Variants in NFATC4 observed in about 807,000 individuals in gnomAD.
NFATC4 encodes nuclear factor of activated T cells 4.
In NFATC4, 25 loss-of-function variants were observed where a neutral mutation model predicts 73.4. The observed-to-expected ratio is 0.34, with a 90% confidence interval of 0.25 to 0.48. NFATC4 has a LOEUF of 0.48. Among genes scored for constraint, NFATC4 ranks in the 20% least tolerant of loss-of-function variants. The pLI, the probability that NFATC4 is intolerant of heterozygous loss-of-function variation, is 0.99. For missense variants in NFATC4, 1,130 were observed against 1,203.7 expected, an observed-to-expected ratio of 0.94 and a Z score of 0.91; for synonymous variants, 523 against 510.3, an observed-to-expected ratio of 1.02 and a Z score of -0.34.
rs899781952 is a variant in NFATC4 at position 24,372,315 on chromosome 14, T to C, written c.1197-126T>C. 8 of 998,268 alleles carry C rather than the reference T, an allele frequency of 8.0e-6. No homozygotes were observed. The African/African-American group carries it at 1.3e-4, about 16-fold the overall frequency. 61.8% of individuals were successfully genotyped at this position (998,268 alleles called of 1,614,324 possible). A position where few individuals can be genotyped will look rare whatever the true frequency, so the allele number is the denominator to read the frequency against. On this transcript the variant is annotated intron_variant, in intron 2 of 9. Transcript: ENST00000250373. The stretch of plus-strand genomic sequence containing the variant: ...TCCCTTCTTTTCACAAGTGTTAATG[T>C]ACTTCTTTATTTCTTCTGTGCTTTC...
Position 24,376,291 on chromosome 14 carries a change from C to T in NFATC4, c.2057-3C>T. On this transcript the variant is annotated splice_polypyrimidine_tract_variant and splice_region_variant and intron_variant, in intron 8 of 9. Transcript: ENST00000250373. The surrounding 1 kb of genome is among the most constrained non-coding windows in gnomAD (Gnocchi z 5.0). The stretch of plus-strand genomic sequence containing the variant: ...CATGTCCTCCCACTTCCTGTCTTCC[C>T]AGTGATCTGCAAAGAGGAGCCCCTA... The T allele has an allele frequency of 6.4e-7, 1 of 1,564,854 alleles. No individual in the cohort carries two copies.
In NFATC4 at chr14:24,377,861, C is replaced by T. The variant is rs912792136; in HGVS notation, c.*156C>T. The T allele has an allele frequency of 7.0e-7, 1 of 1,428,762 alleles. No homozygotes were observed. Among genetic ancestry groups the T allele is most frequent in the Non-Finnish European group, 9.4e-7 (1 of 1,068,966 alleles). The allele number at this position is 1,428,762 out of a possible 1,614,324, so 88.5% of individuals were successfully genotyped here. A position where few individuals can be genotyped will look rare whatever the true frequency, so the allele number is the denominator to read the frequency against. ...TCTCACTGTCTTCCCTCCCCTCCCCCAGCTGAGGTGTGGCCCTCAGGCCTG... is the reference window on the plus strand; with the variant it reads ...TCTCACTGTCTTCCCTCCCCTCCCCTAGCTGAGGTGTGGCCCTCAGGCCTG... On this transcript the variant is annotated 3_prime_UTR_variant, in exon 10 of 10. Transcript: ENST00000250373. The surrounding 1 kb of genome is among the most constrained non-coding windows in gnomAD (Gnocchi z 4.2).
In NFATC4 at chr14:24,376,641, G is replaced by T. The variant is rs773647671; in HGVS notation, c.2404G>T (p.Gly802Trp). 2 of 1,613,136 alleles carry T rather than the reference G, an allele frequency of 1.2e-6. No individual in the cohort carries two copies. The change falls in exon 9 of 10, where the codon GGG becomes TGG. Residue 802 changes from glycine (G) to tryptophan (W), a missense_variant. This residue lies in a region of NFATC4 where 390 missense variants were observed against 408.1 expected (regional missense o/e 0.96). Transcript: ENST00000250373. The surrounding 1 kb of genome is among the most constrained non-coding windows in gnomAD (Gnocchi z 5.0). ...YGGRGSSFSL[G>W]LPFSPPAPFR... ...AGGGCGGGGCTCCTCTTTCTCCCTG[G>T]GGCTGCCATTCTCTCCGCCAGCCCC... is the stretch of plus-strand genomic sequence containing the variant.
At chr14:24,368,140 G>A (rs951819208), upstream of NFATC4, 2 of 1,129,862 alleles carry the variant, frequency 1.8e-6, no homozygotes, top group East Asian at 7.9e-5. Context: ...CTGGGGGGGG[G>A]ACCGCTTTGA....
At position 24,373,734 on chromosome 14, in the gene NFATC4, C is replaced by T. The variant is rs995281931; in HGVS notation, c.1599C>T (p.Asp533=). The change falls in exon 5 of 10, where the codon GAC becomes GAT. Residue 533 remains aspartate, a synonymous_variant. Transcript: ENST00000250373. The surrounding 1 kb of genome is among the most constrained non-coding windows in gnomAD (Gnocchi z 4.7). ...CAGILKLRNS[D]IELRKGETDI... ...GAATCCTGAAGCTTCGGAATTCAGA[C>T]ATTGAGCTTCGGAAGGGTGAGACGG... The T allele has an allele frequency of 2.5e-6, 4 of 1,613,020 alleles. No homozygotes were observed. Among genetic ancestry groups the T allele is most frequent in the Non-Finnish European group, 3.4e-6 (4 of 1,179,178 alleles).
In NFATC4 at chr14:24,377,369, C is replaced by T. The variant is rs990657464; in HGVS notation, c.2642-269C>T. ...ACACCCATCTCTGGCCCTGCTGATA[C>T]CGATTCCCCTGACATTTCAGGCTAA... On this transcript the variant is annotated intron_variant, in intron 9 of 9. Coordinates refer to ENST00000250373, the MANE Select transcript of NFATC4 (RefSeq NM_004554.5). The surrounding 1 kb of genome is among the most constrained non-coding windows in gnomAD (Gnocchi z 4.2). 3.5e-5 allele frequency: 48 copies of T among 1,352,382 alleles called. No individual in the cohort carries two copies. Among genetic ancestry groups the T allele is most frequent in the Admixed American group, 6.3e-5 (2 of 31,782 alleles). The allele number at this position is 1,352,382 out of a possible 1,614,324, so 83.8% of individuals were successfully genotyped here.
Position 24,373,349 on chromosome 14 carries a change from C to G in NFATC4, c.1538C>G (p.Pro513Arg). 1 of 1,614,080 alleles carries G rather than the reference C, an allele frequency of 6.2e-7. No individual in the cohort carries two copies. Among genetic ancestry groups the G allele is most frequent in the Non-Finnish European group, 8.5e-7 (1 of 1,180,048 alleles). The change falls in exon 4 of 10, where the codon CCT (proline) becomes CGT (arginine). Residue 513 changes from proline to arginine, a missense_variant. By Grantham distance (103) the Pro-to-Arg change is moderately radical. Transcript: ENST00000250373. The surrounding 1 kb of genome is among the most constrained non-coding windows in gnomAD (Gnocchi z 4.7). ...GTKVLEMTLLPENNMAANIDC... is the reference protein window; with the variant it reads ...GTKVLEMTLLRENNMAANIDC... ...AAGGTGTTGGAGATGACTCTGCTGC[C>G]TGAGAACAACATGGCGGCCAAGTAA...
chr14:24,375,963 A>G lies in NFATC4; in HGVS notation c.1930-12A>G, dbSNP rs1274205121. On this transcript the variant is annotated splice_polypyrimidine_tract_variant and intron_variant, in intron 7 of 9. Transcript: ENST00000250373. Reference sequence around the variant, plus strand: ...CCCGAGGGCTCCCTGCCTCATTTTTACTCTTCCCTAGGTGACGCTGACCCT... The same window carrying G: ...CCCGAGGGCTCCCTGCCTCATTTTTGCTCTTCCCTAGGTGACGCTGACCCT... 1 of 1,613,336 alleles carries G rather than the reference A, an allele frequency of 6.2e-7. No homozygotes were observed. The highest frequency in any genetic ancestry group is 8.5e-7 in the Non-Finnish European group (1 of 1,179,860).
rs1465532247 is a variant in NFATC4 at position 24,373,057 on chromosome 14, G to A, written c.1360-114G>A. ...CAGTTCCCCAAGGGATTCCCTTGCA[G>A]GATATCCTTTATCTTTCACCATTCC... is the stretch of plus-strand genomic sequence containing the variant. On this transcript the variant is annotated intron_variant, in intron 3 of 9. Transcript: ENST00000250373. This position sits in a 1 kb window ranked among gnomAD's most constrained non-coding sequence, Gnocchi z 4.7. The A allele has an allele frequency of 7.5e-6, 8 of 1,066,618 alleles. No homozygotes were observed. Among genetic ancestry groups the A allele is most frequent in the Admixed American group, 4.6e-5 (2 of 43,358 alleles). The allele number at this position is 1,066,618 out of a possible 1,614,324, so 66.1% of individuals were successfully genotyped here.
At chr14:24,375,751 G>T (rs1160646168) in intron 7 of NFATC4, 36 bp downstream of exon 7, 14 of 1,436,992 alleles carry the variant, frequency 9.7e-6, no homozygotes, top group Admixed American at 1.9e-5. Flanking sequence ...TGGGGGGCGG[G>T]GGTGGGAGAA....
intron 6 of NFATC4, among the ~76,000 whole-genome samples, chr14:24,375,167 G>C (rs1479505236): frequency 6.6e-6 from 1 of 152,070 alleles, no homozygotes; most frequent in African/African-American, 2.4e-5. Context: ...TCCCAAGGTG[G>C]GAGTGGTGGG....
In NFATC4 at chr14:24,372,614, G is replaced by C; in HGVS notation, c.1359+11G>C. ...CACCCCGTAGTCAAGGTAAAGGACAGACAGCAGGCCTGATATCCTCTCTCC... is the reference window on the plus strand; with the variant it reads ...CACCCCGTAGTCAAGGTAAAGGACACACAGCAGGCCTGATATCCTCTCTCC... On this transcript the variant is annotated intron_variant, in intron 3 of 9. Coordinates refer to ENST00000250373, the MANE Select transcript of NFATC4 (RefSeq NM_004554.5). 1 of 1,613,830 alleles carries C rather than the reference G, an allele frequency of 6.2e-7. No homozygotes were observed. The highest frequency in any genetic ancestry group is 8.5e-7 in the Non-Finnish European group (1 of 1,180,024).
At chr14:24,368,016 G>T, upstream of NFATC4, 2 of 967,254 alleles carry the variant, frequency 2.1e-6, no homozygotes, top group Non-Finnish European at 2.4e-6. Context: ...GAGGGGGAGG[G>T]ACTGAAGAGA....
chr14:24,376,545 G>A lies in NFATC4; in HGVS notation c.2308G>A (p.Gly770Ser). 6.2e-7 allele frequency: 1 copy of A among 1,614,034 alleles called. No individual in the cohort carries two copies. The highest frequency in any genetic ancestry group is 2.2e-5 in the East Asian group (1 of 44,880). Residue 770 changes from glycine (G) to serine (S), a missense_variant, in exon 9 of 10, where the codon GGT becomes AGT. By Grantham distance (56) the Gly-to-Ser change is moderately conservative. Transcript: ENST00000250373. This position sits in a 1 kb window ranked among gnomAD's most constrained non-coding sequence, Gnocchi z 5.0. ...PGLRMFPETR[G>S]TTGCAQPPAV... Reference sequence around the variant, plus strand: ...CCTGCGGATGTTCCCTGAGACTAGGGGTACCACAGGTTGTGCCCAACCACC... The same window carrying A: ...CCTGCGGATGTTCCCTGAGACTAGGAGTACCACAGGTTGTGCCCAACCACC...
rs1267721833 is a variant in NFATC4 at position 24,377,909 on chromosome 14, G to A, written c.*204G>A. The A allele has an allele frequency of 1.5e-5, 16 of 1,076,986 alleles. No homozygotes were observed. In the Admixed American group the frequency reaches 3.6e-4, roughly 24 times the overall value. 66.7% of individuals were successfully genotyped at this position (1,076,986 alleles called of 1,614,324 possible). On this transcript the variant is annotated 3_prime_UTR_variant, in exon 10 of 10. Transcript: ENST00000250373. This position sits in a 1 kb window ranked among gnomAD's most constrained non-coding sequence, Gnocchi z 4.2. ...CTGGTGCTGCCTTGGAGGGCTGGGG[G>A]AAGGAGTGTGTGGAGGAGGGAGGAG...
chr14:24,368,744 G>C (rs1255788711), intron 1 of NFATC4, among the ~76,000 whole-genome samples: 2 of 152,068 alleles, frequency 1.3e-5, no homozygotes. Flanking sequence ...ACCAGGCGCC[G>C]CCAGGGGAAG....
At position 24,376,795 on chromosome 14, in the gene NFATC4, C is replaced by A; in HGVS notation, c.2558C>A (p.Ala853Asp). 1 of 1,610,390 alleles carries A rather than the reference C, an allele frequency of 6.2e-7. No homozygotes were observed. The highest frequency in any genetic ancestry group is 1.1e-5 in the South Asian group (1 of 90,594). The part of the protein sequence containing the change: ...VGPGYGPGEG[A>D]PEQEKSRGGY... ...CCAGGCTATGGCCCTGGGGAGGGGG[C>A]TCCGGAGCAGGAGAAATCCAGGGGT... Residue 853 changes from alanine to aspartate, a missense_variant, in exon 9 of 10, where the codon GCT becomes GAT. Coordinates refer to ENST00000250373, the MANE Select transcript of NFATC4 (RefSeq NM_004554.5). The surrounding 1 kb of genome is among the most constrained non-coding windows in gnomAD (Gnocchi z 5.0).
At chr14:24,372,227 C>G (rs2042491166) in intron 2 of NFATC4, 1 of 564,830 alleles carries the variant, frequency 1.8e-6, no homozygotes, top group Non-Finnish European at 3.1e-6. Flanking sequence ...CTTCCCCTTG[C>G]TTCTGGACTT....
upstream of NFATC4, chr14:24,367,616 G>T (rs1566458969): frequency 1.3e-6 from 2 of 1,536,128 alleles, no homozygotes; most frequent in Non-Finnish European, 1.7e-6. Flanking sequence ...ATTCGGCAGC[G>T]CAAAGACTTC....
Sources: gnomAD v4.1 joint callset for allele counts (sites outside exome capture counted in the v4.1 genomes callset) on GRCh38, gnomAD v4.1.1 for gene constraint, gnomAD v4.1.1 regional missense constraint, Gnocchi (gnomAD v3.1) non-coding constraint, MANE v1.5 for transcripts, NCBI Gene and HGNC (gene_info 2026-07-23, HGNC 2026-07-21) for gene names.